Variants in ITGB6 observed in about 807,000 individuals in gnomAD.
The protein encoded by ITGB6 is integrin subunit beta 6, also known as integrin beta-6.
In ITGB6, 80 loss-of-function variants were observed where a neutral mutation model predicts 84.5. That is an observed-to-expected ratio of 0.95 (90% CI 0.79 to 1.14). The LOEUF (loss-of-function observed/expected upper bound fraction) is 1.14. ITGB6 is among the 50% of genes most tolerant of loss of function. The probability of loss-of-function intolerance (pLI) is 0.00; values close to 1 mark genes in which losing one functional copy is unlikely to be tolerated. For missense variants in ITGB6, 1,006 were observed against 968.0 expected, an observed-to-expected ratio of 1.04 and a Z score of -0.52; for synonymous variants, 383 against 354.9, an observed-to-expected ratio of 1.08 and a Z score of -0.89.
At chr2:160,168,340 C>T (rs1395885184) in intron 7 of ITGB6, among the ~76,000 whole-genome samples, 1 of 152,156 alleles carries the variant, frequency 6.6e-6, no homozygotes, top group African/African-American at 2.4e-5. Context: ...CCTGTGAAGT[C>T]ACCAAGCAAG....
At chr2:160,160,265 A>C (rs2925763) in intron 7 of ITGB6, among the ~76,000 whole-genome samples, 29,669 of 152,234 alleles carry the variant, frequency 0.19, 3,803 homozygotes, top group Middle Eastern at 0.38. Flanking sequence ...AAAGCAGAGA[A>C]ACAATGAAAA....
chr2:160,124,072 T>A (rs1254628210), intron 11 of ITGB6, among the ~76,000 whole-genome samples, 184 bp from the exon 12 acceptor site: 1 of 152,254 alleles, frequency 6.6e-6, no homozygotes, highest in East Asian at 1.9e-4. Context: ...TTATTCTGAG[T>A]TCCACTCAGT....
chr2:160,174,864 A>G (rs760352313), intron 4 of ITGB6, among the ~76,000 whole-genome samples: 1 of 152,196 alleles, frequency 6.6e-6, no homozygotes, highest in Non-Finnish European at 1.5e-5. Flanking sequence ...AATGCGGATA[A>G]TCGTATAGAG....
chr2:160,107,716 T>C lies in ITGB6; in HGVS notation c.2231A>G (p.Lys744Arg). 5.0e-6 allele frequency: 8 copies of C among 1,614,126 alleles called. No individual in the cohort carries two copies. Among genetic ancestry groups the C allele is most frequent in the South Asian group, 2.2e-5 (2 of 91,076 alleles). ...GGCTTTTGATCGTTCTGCTTCAAATTTGGCAACTTCTTTACGATCATGAAA... is the reference window on the plus strand; with the variant it reads ...GGCTTTTGATCGTTCTGCTTCAAATCTGGCAACTTCTTTACGATCATGAAA... The part of the protein sequence containing the change: ...VSFHDRKEVA[K>R]FEAERSKAKW... Residue 744 changes from lysine to arginine, a missense_variant, in exon 14 of 15, where the codon AAA becomes AGA. Physicochemically the swap from Lys to Arg is conservative, Grantham distance 26 (BLOSUM62 2). Coordinates refer to ENST00000283249, the MANE Select transcript of ITGB6 (RefSeq NM_000888.5).
At position 160,126,523 on chromosome 2, in the gene ITGB6, G is replaced by A. The variant is rs769022285; in HGVS notation, c.1739C>T (p.Thr580Met). Reference protein sequence around the residue: ...TGEYCNCTTSTDSCVSEDGVL... With the variant: ...TGEYCNCTTSMDSCVSEDGVL... ...TCCATCTTCAGAGACGCAGGAGTCC[G>A]TGCTGGTGGTGCAGTTGCAGTACTC... The change falls in exon 11 of 15, where the codon ACG becomes ATG. Residue 580 changes from threonine to methionine, a missense_variant. Transcript: ENST00000283249. The A allele has an allele frequency of 2.5e-6, 4 of 1,614,100 alleles. No individual in the cohort carries two copies. Among genetic ancestry groups the A allele is most frequent in the East Asian group, 4.5e-5 (2 of 44,882 alleles).
intron 10 of ITGB6, among the ~76,000 whole-genome samples, chr2:160,136,290 A>C (rs950098460): frequency 2.6e-5 from 4 of 152,246 alleles, no homozygotes; most frequent in Non-Finnish European, 5.9e-5. Context: ...GCCAAAAGAC[A>C]CATGAAAAAA....
intron 4 of ITGB6, among the ~76,000 whole-genome samples, chr2:160,194,604 C>A (rs1176395602): frequency 6.6e-6 from 1 of 152,072 alleles, no homozygotes; most frequent in Non-Finnish European, 1.5e-5. Flanking sequence ...GTTTAACCTG[C>A]TGTTATTATG....
At chr2:160,124,393 A>T (rs548911270) in intron 11 of ITGB6, among the ~76,000 whole-genome samples, 2 of 152,356 alleles carry the variant, frequency 1.3e-5, no homozygotes, top group African/African-American at 4.8e-5. Flanking sequence ...GAATAAGTCT[A>T]AGTCTTAATG....
intron 12 of ITGB6, among the ~76,000 whole-genome samples, chr2:160,120,751 G>C (rs1281966152): frequency 2.3e-5 from 3 of 130,934 alleles, no homozygotes; most frequent in Non-Finnish European, 3.2e-5. Flanking sequence ...AAGAGTTCAT[G>C]TCCTTTGTAG....
At chr2:160,148,992 C>T (rs1259233964) in intron 7 of ITGB6, among the ~76,000 whole-genome samples, 1 of 152,216 alleles carries the variant, frequency 6.6e-6, no homozygotes, top group Admixed American at 6.5e-5. Context: ...GGGCCTGCTG[C>T]CTCTAGACTC....
chr2:160,180,027 C>T (rs375982195), intron 4 of ITGB6, among the ~76,000 whole-genome samples: 2 of 149,982 alleles, frequency 1.3e-5, no homozygotes, highest in South Asian at 2.1e-4. Context: ...GCAGCAGAAT[C>T]GCTTGAACCT....
rs753626616 is a variant in ITGB6, at chr2:160,199,957, G to A, written c.61+46C>T. The stretch of plus-strand genomic sequence containing the variant: ...AGTTTCTGAACCAAATGACAGGTTT[G>A]TCAAGCATACCACGAAAGTAATATA... On this transcript the variant is annotated intron_variant, in intron 1 of 14. Coordinates refer to ENST00000283249, the MANE Select transcript of ITGB6 (RefSeq NM_000888.5). 1.6e-5 allele frequency: 23 copies of A among 1,444,874 alleles called. 2 individuals are homozygous for A. In the South Asian group the frequency reaches 2.5e-4, roughly 16 times the overall value. The allele number at this position is 1,444,874 out of a possible 1,614,324, so 89.5% of individuals were successfully genotyped here.
At chr2:160,160,403 A>G (rs951531585) in intron 7 of ITGB6, among the ~76,000 whole-genome samples, 1 of 152,222 alleles carries the variant, frequency 6.6e-6, no homozygotes, top group Admixed American at 6.5e-5. Context: ...TGAAAACTCT[A>G]TAGAAAAAAG....
At chr2:160,126,231 A>T in intron 11 of ITGB6, 148 bp downstream of exon 11, 1 of 661,234 alleles carries the variant, frequency 1.5e-6, no homozygotes, top group African/African-American at 1.8e-5. Flanking sequence ...AAGATCACAG[A>T]GGCCCTGTGG....
chr2:160,145,062 T>A (rs1292199619), intron 7 of ITGB6, among the ~76,000 whole-genome samples: 1 of 152,238 alleles, frequency 6.6e-6, no homozygotes, highest in Non-Finnish European at 1.5e-5. Flanking sequence ...ACTGTAAATA[T>A]CATGTGTCAA....
intron 7 of ITGB6, among the ~76,000 whole-genome samples, chr2:160,165,946 A>T (rs1331989405): frequency 6.6e-6 from 1 of 152,188 alleles, no homozygotes; most frequent in East Asian, 1.9e-4. Flanking sequence ...GCAAAACTCC[A>T]AGTCTTTCTT....
At chr2:160,145,268 A>G (rs1028823811) in intron 7 of ITGB6, among the ~76,000 whole-genome samples, 4 of 152,194 alleles carry the variant, frequency 2.6e-5, no homozygotes, top group Non-Finnish European at 5.9e-5. Context: ...TTAGAAATGC[A>G]AGCTCTTATG....
chr2:160,105,779 C>G (rs1696887983), intron 14 of ITGB6, among the ~76,000 whole-genome samples: 1 of 152,148 alleles, frequency 6.6e-6, no homozygotes, highest in Non-Finnish European at 1.5e-5. Context: ...ACATCTGTGG[C>G]CAGGGGTCAG....
At chr2:160,144,907 T>G (rs1684134652) in intron 7 of ITGB6, among the ~76,000 whole-genome samples, 2 of 152,210 alleles carry the variant, frequency 1.3e-5, no homozygotes, top group African/African-American at 4.8e-5. Flanking sequence ...ACACTGACAA[T>G]TGCACAGAGG....
Sources: gnomAD v4.1 joint callset for allele counts (sites outside exome capture counted in the v4.1 genomes callset) on GRCh38, gnomAD v4.1.1 for gene constraint, MANE v1.5 for transcripts, NCBI Gene and HGNC (gene_info 2026-07-23, HGNC 2026-07-21) for gene names.